The following ADGB variants were observed in gnomAD, a reference collection of about 807,000 sequenced individuals.
ADGB encodes calpain-7-like protein.
Under a neutral mutation model 210.5 loss-of-function variants are expected in ADGB, and 172 were observed. That is an observed-to-expected ratio of 0.82 (90% CI 0.72 to 0.93). The LOEUF is 0.93. ADGB is among the 40% of genes least tolerant of loss of function. ADGB has a pLI of 0.00. For missense variants in ADGB, 2,025 were observed against 1,964.8 expected, an observed-to-expected ratio of 1.03 and a Z score of -0.58; for synonymous variants, 658 against 662.7, an observed-to-expected ratio of 0.99 and a Z score of 0.11.
Position 146,704,766 on chromosome 6 carries a change from T to A in ADGB, c.1707+3696T>A, listed in dbSNP as rs1776543905. Among the ~76,000 whole-genome samples, 3 of 152,040 alleles carry A rather than the reference T, an allele frequency of 2.0e-5. 1 individual carries two copies. The highest frequency in any genetic ancestry group is 4.4e-5 in the Non-Finnish European group (3 of 67,922). ...TTTAGCTATTTAGGGTCTTTTGTGG[T>A]TTCACATGGATTTTAGGATGTTTTT... On this transcript the variant is annotated intron_variant, in intron 13 of 35. Coordinates refer to ENST00000397944, the MANE Select transcript of ADGB (RefSeq NM_024694.4).
At chr6:146,713,784 G>A (rs1415108318) in intron 13 of ADGB, among the ~76,000 whole-genome samples, 8 of 150,486 alleles carry the variant, frequency 5.3e-5, no homozygotes, top group Non-Finnish European at 1.2e-4. Context: ...TTTTACTTTT[G>A]TTGCCTGTGC....
At chr6:146,752,429 C>T in intron 26 of ADGB, 101 bp from the exon 27 acceptor site, 3 of 1,057,478 alleles carry the variant, frequency 2.8e-6, no homozygotes, top group East Asian at 5.3e-5. Flanking sequence ...CACAGTTTGA[C>T]AGCAGATTTG....
chr6:146,751,471 T>C (rs1206921440), intron 26 of ADGB, among the ~76,000 whole-genome samples: 1 of 152,042 alleles, frequency 6.6e-6, no homozygotes, highest in African/African-American at 2.4e-5. Flanking sequence ...AATAGAATGA[T>C]TTATGTTTCT....
At chr6:146,794,261 T>C (rs1167308018) in intron 33 of ADGB, among the ~76,000 whole-genome samples, 1 of 152,148 alleles carries the variant, frequency 6.6e-6, no homozygotes. Context: ...ACAGAACTGG[T>C]TGTGTATGTT....
chr6:146,760,017 CTATGTGTT>C (rs1777462626), intron 27 of ADGB, among the ~76,000 whole-genome samples: 1 of 151,516 alleles, frequency 6.6e-6, no homozygotes, highest in South Asian at 2.1e-4. Context: ...GCCCTTTTAC[CTATGTGTT>C]TCTAATGTTT....
chr6:146,664,202 G>A lies in ADGB; in HGVS notation c.614G>A (p.Gly205Asp). 2 of 1,542,934 alleles carry A rather than the reference G, an allele frequency of 1.3e-6. No homozygotes were observed. The highest frequency in any genetic ancestry group is 8.7e-7 in the Non-Finnish European group (1 of 1,143,000). The change falls in exon 6 of 36, where the codon GGT becomes GAT. Residue 205 changes from glycine to aspartate, a missense_variant and splice_region_variant. By Grantham distance (94) the Gly-to-Asp change is moderately conservative. Transcript: ENST00000397944. ...ACATTTCTTTCATCTTATTTTTAGG[G>A]TTGCTGGAGAAAGATAACAATTGAT... ...GKYVVKLYWM[G>D]CWRKITIDDF... is the part of the protein sequence containing the mutation.
intron 1 of ADGB, among the ~76,000 whole-genome samples, chr6:146,621,511 G>A (rs535426593): frequency 7.9e-5 from 12 of 152,274 alleles, no homozygotes; most frequent in African/African-American, 2.9e-4. Context: ...GAAACCACAG[G>A]TCTAGAGAAA....
At chr6:146,617,913 C>G (rs558563598) in intron 1 of ADGB, among the ~76,000 whole-genome samples, 1 of 152,062 alleles carries the variant, frequency 6.6e-6, no homozygotes, top group African/African-American at 2.4e-5. Flanking sequence ...TTGTGTATAA[C>G]TTTTGAATCC....
intron 3 of ADGB, among the ~76,000 whole-genome samples, chr6:146,648,699 A>G (rs1324928160): frequency 6.6e-6 from 1 of 152,122 alleles, no homozygotes; most frequent in African/African-American, 2.4e-5. Context: ...ACAATTCAAC[A>G]TTAGATTTGG....
At chr6:146,708,851 G>T (rs1224032979) in intron 13 of ADGB, among the ~76,000 whole-genome samples, 4 of 151,910 alleles carry the variant, frequency 2.6e-5, no homozygotes, top group African/African-American at 9.7e-5. Flanking sequence ...TCAAATATTT[G>T]CTCTTTTGAT....
intron 3 of ADGB, among the ~76,000 whole-genome samples, chr6:146,653,726 C>T (rs995979730): frequency 9.2e-5 from 14 of 152,130 alleles, no homozygotes; most frequent in East Asian, 5.8e-4. Context: ...CACACATGTA[C>T]CCCAAACTTA....
At chr6:146,656,712 A>T (rs1775786205) in intron 4 of ADGB, 59 bp from the exon 5 acceptor site, 2 of 1,209,500 alleles carry the variant, frequency 1.7e-6, no homozygotes, top group Non-Finnish European at 2.2e-6. Context: ...TTTTATCCCT[A>T]AATTACAGTA....
chr6:146,810,524 A>G (rs556869105), intron 35 of ADGB, among the ~76,000 whole-genome samples: 9 of 152,310 alleles, frequency 5.9e-5, no homozygotes, highest in Non-Finnish European at 1.2e-4. Flanking sequence ...AGCATTATTT[A>G]CAATAGTGAT....
At chr6:146,648,960 A>G (rs1775659419) in intron 3 of ADGB, among the ~76,000 whole-genome samples, 1 of 151,912 alleles carries the variant, frequency 6.6e-6, no homozygotes, top group Non-Finnish European at 1.5e-5. Flanking sequence ...CATATATTAT[A>G]TTAAACCCAT....
chr6:146,771,284 C>T (rs1473281989), intron 29 of ADGB, among the ~76,000 whole-genome samples: 1 of 151,948 alleles, frequency 6.6e-6, no homozygotes, highest in African/African-American at 2.4e-5. Flanking sequence ...TGTTGCCTAA[C>T]CCTGTGTTAT....
chr6:146,600,160 G>A (rs1159781315), intron 1 of ADGB, among the ~76,000 whole-genome samples: 3 of 151,624 alleles, frequency 2.0e-5, no homozygotes, highest in African/African-American at 4.8e-5. Flanking sequence ...CCAGTTACCC[G>A]GCAGATAATC....
chr6:146,618,316 CA>C (rs1421866097), intron 1 of ADGB, among the ~76,000 whole-genome samples: 1 of 150,394 alleles, frequency 6.6e-6, no homozygotes, highest in Non-Finnish European at 1.5e-5. Context: ...TTTATCTTTT[CA>C]AAAAATGAAC....
intron 17 of ADGB, among the ~76,000 whole-genome samples, chr6:146,723,053 A>AT (rs547175497): frequency 3.9e-5 from 6 of 152,212 alleles, no homozygotes; most frequent in African/African-American, 1.2e-4. Context: ...CAGGGCAGGG[A>AT]TTTTTTTTAA....
chr6:146,655,271 C>T (rs1319945824), intron 4 of ADGB, among the ~76,000 whole-genome samples: 2 of 152,104 alleles, frequency 1.3e-5, no homozygotes, highest in Non-Finnish European at 2.9e-5. Flanking sequence ...TGCCCTATGC[C>T]ATGTCAAGAG....
Sources: allele counts gnomAD v4.1 joint callset (sites outside exome capture counted in the v4.1 genomes callset), GRCh38; gene constraint gnomAD v4.1.1; transcripts MANE v1.5; gene names NCBI Gene and HGNC (gene_info 2026-07-23, HGNC 2026-07-21).